Variants in PHACTR1 observed in about 807,000 individuals in gnomAD.
The protein encoded by PHACTR1 is RPEL repeat containing 1.
PHACTR1 carries 16 observed loss-of-function variants against 69.2 expected under a neutral mutation model. That is an observed-to-expected ratio of 0.23 (90% CI 0.16 to 0.35). The LOEUF (loss-of-function observed/expected upper bound fraction) is 0.35. Among genes scored for constraint, PHACTR1 ranks in the 10% least tolerant of loss-of-function variants. The pLI, the probability that PHACTR1 is intolerant of heterozygous loss-of-function variation, is 1.00. For missense variants in PHACTR1, 510 were observed against 734.7 expected (o/e 0.69, Z 3.54); for synonymous variants, 312 against 284.5 (o/e 1.10, Z -0.97).
intron 4 of PHACTR1, among the ~76,000 whole-genome samples, chr6:12,827,371 T>C (rs1294289444): frequency 6.6e-6 from 1 of 152,184 alleles, no homozygotes; most frequent in African/African-American, 2.4e-5. Context: ...AACATTACAT[T>C]TTATGTACCA....
chr6:12,749,696 G>A lies in PHACTR1; in HGVS notation c.156G>A (p.Glu52=). 7 of 1,612,450 alleles carry A rather than the reference G, an allele frequency of 4.3e-6. No individual in the cohort carries two copies. The highest frequency in any genetic ancestry group is 5.9e-6 in the Non-Finnish European group (7 of 1,179,686). ...CCACATTAATGGCGGCATCCTCGGA[G>A]GATGATATAGACCGGCGGCCCATCC... ...LPPTLMAASS[E]DDIDRRPIRR... The change falls in exon 4 of 15, where the codon GAG becomes GAA. Residue 52 remains glutamate, a synonymous_variant. Coordinates refer to ENST00000332995, the MANE Select transcript of PHACTR1 (RefSeq NM_030948.6).
intron 5 of PHACTR1, among the ~76,000 whole-genome samples, chr6:13,081,340 A>T (rs1039689694): frequency 1.3e-5 from 2 of 152,200 alleles, no homozygotes; most frequent in African/African-American, 4.8e-5. Flanking sequence ...CTTGGATTTT[A>T]AAACAACGAA....
intron 4 of PHACTR1, among the ~76,000 whole-genome samples, chr6:12,902,401 C>T (rs1352109059): frequency 2.0e-5 from 3 of 152,090 alleles, no homozygotes; most frequent in Non-Finnish European, 2.9e-5. Context: ...CCAGCCTGGG[C>T]GACAGAGCAA....
chr6:13,117,765 A>G (rs1818028693), intron 5 of PHACTR1, among the ~76,000 whole-genome samples: 1 of 152,172 alleles, frequency 6.6e-6, no homozygotes, highest in Admixed American at 6.5e-5. Context: ...TATGTTCATC[A>G]GTGAGAGTAG....
At chr6:13,110,542 C>G (rs193013596) in intron 5 of PHACTR1, among the ~76,000 whole-genome samples, 1 of 152,156 alleles carries the variant, frequency 6.6e-6, no homozygotes, top group Admixed American at 6.6e-5. Context: ...AGTTCTGCTC[C>G]GTGCCGCTTT....
intron 5 of PHACTR1, among the ~76,000 whole-genome samples, chr6:13,096,850 G>A (rs574525879): frequency 3.3e-5 from 5 of 152,308 alleles, no homozygotes; most frequent in African/African-American, 1.2e-4. Flanking sequence ...GTTTCAAGAG[G>A]CATGTAGCTT....
At chr6:12,789,695 C>T (rs753374998) in intron 4 of PHACTR1, among the ~76,000 whole-genome samples, 2 of 151,862 alleles carry the variant, frequency 1.3e-5, no homozygotes, top group African/African-American at 4.8e-5. Flanking sequence ...CATCTTTCTG[C>T]GTACTTGGAC....
chr6:12,966,645 T>A (rs191562763), intron 4 of PHACTR1, among the ~76,000 whole-genome samples: 1 of 152,248 alleles, frequency 6.6e-6, no homozygotes, highest in Admixed American at 6.5e-5. Flanking sequence ...AGGAAGGTTG[T>A]TCTTCTCTTC....
At chr6:12,805,881 G>A (rs115191132) in intron 4 of PHACTR1, among the ~76,000 whole-genome samples, 75 of 152,236 alleles carry the variant, frequency 4.9e-4, no homozygotes, top group Non-Finnish European at 7.2e-4. Flanking sequence ...GACTACGGGC[G>A]TGAGCCACCA....
intron 7 of PHACTR1, among the ~76,000 whole-genome samples, chr6:13,188,754 A>G (rs1763127807): frequency 6.6e-6 from 1 of 152,104 alleles, no homozygotes; most frequent in Non-Finnish European, 1.5e-5. Flanking sequence ...GTCTTGCTTC[A>G]TTTCTTGTTA....
chr6:12,889,475 A>G (rs1023171584), intron 4 of PHACTR1, among the ~76,000 whole-genome samples: 3 of 152,236 alleles, frequency 2.0e-5, no homozygotes, highest in Non-Finnish European at 4.4e-5. Flanking sequence ...GGGAATGTAT[A>G]GGCTTGGAAA....
At chr6:13,102,371 C>T (rs918195286) in intron 5 of PHACTR1, among the ~76,000 whole-genome samples, 1 of 152,044 alleles carries the variant, frequency 6.6e-6, no homozygotes, top group African/African-American at 2.4e-5. Flanking sequence ...AGGTCATTGG[C>T]CTTATGAAAA....
chr6:12,957,880 G>C (rs1167457028), intron 4 of PHACTR1: 2 of 985,454 alleles, frequency 2.0e-6, no homozygotes, highest in Admixed American at 1.2e-4. Context: ...GCCTGGCACC[G>C]AGAGGCTGCA....
chr6:12,813,892 G>T (rs951488180), intron 4 of PHACTR1, among the ~76,000 whole-genome samples: 3 of 152,154 alleles, frequency 2.0e-5, no homozygotes, highest in African/African-American at 7.2e-5. Context: ...AGGATCTCAG[G>T]CCCTCACCCC....
intron 4 of PHACTR1, among the ~76,000 whole-genome samples, chr6:13,013,396 A>G (rs973354225): frequency 1.3e-5 from 2 of 152,162 alleles, no homozygotes; most frequent in African/African-American, 2.4e-5. Context: ...GTGGCCCTGG[A>G]GGGGAGCTTG....
At chr6:12,895,538 T>G (rs1158278386) in intron 4 of PHACTR1, among the ~76,000 whole-genome samples, 1 of 152,198 alleles carries the variant, frequency 6.6e-6, no homozygotes, top group Non-Finnish European at 1.5e-5. Flanking sequence ...TAGTGGAATT[T>G]GATGAGTTTT....
intron 5 of PHACTR1, among the ~76,000 whole-genome samples, chr6:13,060,784 A>AG (rs1807559561): frequency 1.9e-5 from 1 of 51,804 alleles, no homozygotes; most frequent in Non-Finnish European, 3.8e-5. Flanking sequence ...GGTACTGGTG[A>AG]CTTTTTTCAT....
At chr6:12,974,224 G>A (rs1336135602) in intron 4 of PHACTR1, among the ~76,000 whole-genome samples, 1 of 152,128 alleles carries the variant, frequency 6.6e-6, no homozygotes, top group Non-Finnish European at 1.5e-5. Flanking sequence ...CTGGCCAGGA[G>A]TGTGAGATTT....
intron 12 of PHACTR1, among the ~76,000 whole-genome samples, chr6:13,278,885 C>T (rs891960431): frequency 7.9e-5 from 12 of 151,874 alleles, no homozygotes; most frequent in Admixed American, 1.3e-4. Context: ...ATTGCTTGAG[C>T]CCAGGAGGCA....
Sources: gnomAD v4.1 joint callset for allele counts (sites outside exome capture counted in the v4.1 genomes callset) on GRCh38, gnomAD v4.1.1 for gene constraint, MANE v1.5 for transcripts, NCBI Gene and HGNC (gene_info 2026-07-23, HGNC 2026-07-21) for gene names.